The following FAR2 variants were observed in gnomAD, a reference collection of about 807,000 sequenced individuals.
The protein encoded by FAR2 is epididymis secretory protein Li 81.
A neutral mutation model predicts 56.0 loss-of-function variants in FAR2; 19 were observed. That is an observed-to-expected ratio of 0.34 (90% CI 0.24 to 0.50). The LOEUF (loss-of-function observed/expected upper bound fraction) is 0.50, where lower values mean the gene tolerates loss of function less well. Among genes scored for constraint, FAR2 ranks in the 20% least tolerant of loss-of-function variants. The pLI is 0.98. For missense variants in FAR2, 508 were observed against 642.2 expected (o/e 0.79, Z 2.26); for synonymous variants, 219 against 218.8 (o/e 1.00, Z -0.01).
intron 4 of FAR2, among the ~76,000 whole-genome samples, chr12:29,300,659 T>TGTTGTTG: frequency 6.6e-6 from 1 of 152,178 alleles, no homozygotes; most frequent in Non-Finnish European, 1.5e-5. Flanking sequence ...TTGTTGTTGT[T>TGTTGTTG]AACAGTAACT....
At chr12:29,288,390 G>T (rs1948908286) in intron 2 of FAR2, among the ~76,000 whole-genome samples, 1 of 152,136 alleles carries the variant, frequency 6.6e-6, no homozygotes, top group East Asian at 1.9e-4. Flanking sequence ...AACAGGATAA[G>T]CTCTTAGAAT....
chr12:29,187,084 G>A lies in FAR2; in HGVS notation c.-39+37677G>A, dbSNP rs534831713. ...ATTACAGGTGTGAGCCACTGCGCCC[G>A]GCCCGGCTTAGTTCTTATAACTGTT... On this transcript the variant is annotated intron_variant, in intron 1 of 11. Transcript: ENST00000536681. Among the ~76,000 whole-genome samples, 15 of 152,246 alleles carry A rather than the reference G, an allele frequency of 9.9e-5. 1 individual carries two copies. Among genetic ancestry groups the A allele is most frequent in the East Asian group, 3.9e-4 (2 of 5,178 alleles).
Position 29,307,949 on chromosome 12 carries a change from C to T in FAR2, c.723+114C>T, listed in dbSNP as rs1326011536. Reference sequence around the variant, plus strand: ...CCTCAGGATTTATAGCTAAGTGCAGCCAATCGAATATGAACCCATTATACT... The same window carrying T: ...CCTCAGGATTTATAGCTAAGTGCAGTCAATCGAATATGAACCCATTATACT... On this transcript the variant is annotated intron_variant, in intron 5 of 11. Transcript: ENST00000536681. 4.3e-6 allele frequency: 5 copies of T among 1,156,346 alleles called. No homozygotes were observed. In the Admixed American group the frequency reaches 8.3e-5, roughly 19 times the overall value. 71.6% of individuals were successfully genotyped at this position (1,156,346 alleles called of 1,614,324 possible).
chr12:29,257,498 A>G (rs1417699527), intron 1 of FAR2, among the ~76,000 whole-genome samples: 1 of 152,178 alleles, frequency 6.6e-6, no homozygotes, highest in Admixed American at 6.5e-5. Flanking sequence ...GTCCTCTTCC[A>G]CGCTGTGGAA....
At chr12:29,221,984 A>G (rs893716390) in intron 1 of FAR2, among the ~76,000 whole-genome samples, 2 of 152,106 alleles carry the variant, frequency 1.3e-5, no homozygotes, top group African/African-American at 4.8e-5. Flanking sequence ...AGTAGCTGGG[A>G]TTACAGGTGC....
chr12:29,326,673 G>A (rs1050964721), intron 10 of FAR2, among the ~76,000 whole-genome samples: 2 of 152,120 alleles, frequency 1.3e-5, no homozygotes, highest in African/African-American at 4.8e-5. Context: ...CTCAATAGAC[G>A]GAGAAAAGGC....
rs149476424 is a variant in FAR2 at position 29,190,162 on chromosome 12, A to C, written c.-39+40755A>C. 6.8e-4 allele frequency among the ~76,000 whole-genome samples: 103 copies of C among 152,320 alleles called. No homozygotes were observed. The South Asian group carries it at 0.015, about 22-fold the overall frequency. The stretch of plus-strand genomic sequence containing the variant: ...TTGCTAAGTTTGAGAAGCTCTTTAG[A>C]CAAGGTGACAAGTCAAATGAGCGGG... On this transcript the variant is annotated intron_variant, in intron 1 of 11. Coordinates refer to ENST00000536681, the MANE Select transcript of FAR2 (RefSeq NM_001271783.2).
At chr12:29,261,196 GAATTTAGAATAC>G (rs1281052028) in intron 1 of FAR2, among the ~76,000 whole-genome samples, 4 of 152,150 alleles carry the variant, frequency 2.6e-5, no homozygotes, top group Non-Finnish European at 5.9e-5. Flanking sequence ...CACAGAGAAG[GAATTTAGAATAC>G]TATCAGATAC....
intron 1 of FAR2, among the ~76,000 whole-genome samples, chr12:29,176,042 T>A (rs1354760127): frequency 6.6e-6 from 1 of 152,160 alleles, no homozygotes; most frequent in African/African-American, 2.4e-5. Flanking sequence ...GTTGGAAATT[T>A]TAAATTTGCA....
intron 1 of FAR2, among the ~76,000 whole-genome samples, chr12:29,174,031 G>A (rs2136590203): frequency 6.6e-6 from 1 of 152,212 alleles, no homozygotes; most frequent in African/African-American, 2.4e-5. Flanking sequence ...TCTCCTGTTA[G>A]TATTGGGACT....
intron 1 of FAR2, among the ~76,000 whole-genome samples, chr12:29,209,344 A>G (rs1947515767): frequency 6.6e-6 from 1 of 152,222 alleles, no homozygotes; most frequent in African/African-American, 2.4e-5. Flanking sequence ...GATAAGATGC[A>G]TCAGGTCAAT....
chr12:29,294,930 T>A (rs1949033777), intron 3 of FAR2, among the ~76,000 whole-genome samples: 1 of 152,236 alleles, frequency 6.6e-6, no homozygotes, highest in Non-Finnish European at 1.5e-5. Flanking sequence ...TATTTTATTT[T>A]TACTCTTTAT....
intron 2 of FAR2, among the ~76,000 whole-genome samples, chr12:29,291,911 T>G (rs1279846623): frequency 2.0e-5 from 3 of 152,244 alleles, no homozygotes; most frequent in African/African-American, 7.2e-5. Flanking sequence ...AATTCATTGA[T>G]TTATTTCAGT....
At chr12:29,257,798 A>G (rs1245480706) in intron 1 of FAR2, among the ~76,000 whole-genome samples, 1 of 152,112 alleles carries the variant, frequency 6.6e-6, no homozygotes, top group Admixed American at 6.5e-5. Context: ...AACTCCGGAC[A>G]CGCCACCTTT....
At chr12:29,309,267 T>C (rs976973821) in intron 6 of FAR2, 37 bp downstream of exon 6, 8 of 1,503,100 alleles carry the variant, frequency 5.3e-6, no homozygotes, top group South Asian at 1.2e-5. Context: ...CCCTGAAATG[T>C]AGTAGAGAAA....
intron 1 of FAR2, among the ~76,000 whole-genome samples, chr12:29,162,056 T>C (rs1949786126): frequency 6.6e-6 from 1 of 152,206 alleles, no homozygotes. Context: ...GTCAATGTCT[T>C]CTCCCAATCT....
At chr12:29,235,441 T>C (rs568124048) in intron 1 of FAR2, among the ~76,000 whole-genome samples, 1 of 152,276 alleles carries the variant, frequency 6.6e-6, no homozygotes, top group East Asian at 1.9e-4. Context: ...TCTTGGTATT[T>C]CTCCACAATT....
At chr12:29,292,289 A>G (rs560500545) in intron 2 of FAR2, 12 of 152,358 alleles carry the variant, frequency 7.9e-5, no homozygotes, top group African/African-American at 2.9e-4. Flanking sequence ...TCCAGTAGTC[A>G]GAAGTCTTCA....
intron 9 of FAR2, among the ~76,000 whole-genome samples, chr12:29,317,515 C>T (rs1221509552): frequency 6.6e-6 from 1 of 152,108 alleles, no homozygotes; most frequent in Non-Finnish European, 1.5e-5. Flanking sequence ...TTGAACAAAG[C>T]AGTCATAGTG....
Sources: gnomAD v4.1 joint callset for allele counts (sites outside exome capture counted in the v4.1 genomes callset) on GRCh38, gnomAD v4.1.1 for gene constraint, MANE v1.5 for transcripts, NCBI Gene and HGNC (gene_info 2026-07-23, HGNC 2026-07-21) for gene names.